PARD3B: variants seen among roughly 807,000 people sequenced by gnomAD.
The protein encoded by PARD3B is partitioning defective 3 homolog B.
In PARD3B, 103 loss-of-function variants were observed where a neutral mutation model predicts 130.2. That is an observed-to-expected ratio of 0.79 (90% CI 0.67 to 0.93). The LOEUF (loss-of-function observed/expected upper bound fraction) is 0.93, where lower values mean the gene tolerates loss of function less well. PARD3B is among the 40% of genes least tolerant of loss of function. The pLI, the probability that PARD3B is intolerant of heterozygous loss-of-function variation, is 0.00. For missense variants in PARD3B, 1,609 were observed against 1,499.2 expected (o/e 1.07, Z -1.21); for synonymous variants, 583 against 553.2 (o/e 1.05, Z -0.76).
intron 22 of PARD3B, among the ~76,000 whole-genome samples, chr2:205,561,015 A>G (rs2053113712): frequency 6.6e-6 from 1 of 152,194 alleles, no homozygotes; most frequent in Non-Finnish European, 1.5e-5. Flanking sequence ...TCGTCTACTT[A>G]TGCCCATCAG....
intron 20 of PARD3B, among the ~76,000 whole-genome samples, chr2:205,442,264 G>A (rs895109469): frequency 2.0e-5 from 3 of 150,924 alleles, no homozygotes; most frequent in Non-Finnish European, 2.9e-5. Flanking sequence ...AGGAATTCTA[G>A]GGTAAGCCAC....
intron 2 of PARD3B, among the ~76,000 whole-genome samples, chr2:204,780,024 C>T (rs2041779954): frequency 1.3e-5 from 2 of 152,120 alleles, no homozygotes; most frequent in Non-Finnish European, 2.9e-5. Flanking sequence ...TGTTATTTGG[C>T]AAGCAGAGAA....
At chr2:204,905,658 T>G (rs559230763) in intron 2 of PARD3B, among the ~76,000 whole-genome samples, 1 of 152,072 alleles carries the variant, frequency 6.6e-6, no homozygotes, top group East Asian at 1.9e-4. Flanking sequence ...CTGCTGTAGG[T>G]GAGGGACTGA....
At chr2:205,597,659 T>A (rs2054619572) in intron 22 of PARD3B, among the ~76,000 whole-genome samples, 1 of 152,222 alleles carries the variant, frequency 6.6e-6, no homozygotes, top group Admixed American at 6.5e-5. Flanking sequence ...AGTATTCCCC[T>A]TTCTCTGCAG....
intron 1 of PARD3B, among the ~76,000 whole-genome samples, chr2:204,548,665 A>C (rs1180528286): frequency 1.3e-5 from 2 of 152,240 alleles, no homozygotes; most frequent in African/African-American, 4.8e-5. Context: ...CATCAACCTA[A>C]AAATAGCAAT....
At chr2:205,511,070 A>G (rs190592909) in intron 21 of PARD3B, among the ~76,000 whole-genome samples, 1 of 152,296 alleles carries the variant, frequency 6.6e-6, no homozygotes, top group Admixed American at 6.5e-5. Flanking sequence ...AAGAAAGAAA[A>G]TGTGTGAATA....
At chr2:205,107,810 A>G (rs148779816) in intron 5 of PARD3B, among the ~76,000 whole-genome samples, 210 of 152,330 alleles carry the variant, frequency 1.4e-3, no homozygotes, top group African/African-American at 4.6e-3. Flanking sequence ...GCACCACTCA[A>G]CTTATTTTGA....
chr2:204,591,544 G>A (rs2033073959), intron 1 of PARD3B, among the ~76,000 whole-genome samples: 1 of 152,158 alleles, frequency 6.6e-6, no homozygotes, highest in Admixed American at 6.6e-5. Flanking sequence ...TGCATTGTGT[G>A]TTAAAACAGA....
chr2:205,063,405 A>T (rs988002549), intron 4 of PARD3B, among the ~76,000 whole-genome samples: 2 of 152,100 alleles, frequency 1.3e-5, no homozygotes, highest in East Asian at 1.9e-4. Flanking sequence ...TTGTTTGATA[A>T]ATTAATGAAC....
intron 1 of PARD3B, among the ~76,000 whole-genome samples, chr2:204,563,153 A>T (rs1043298731): frequency 6.7e-6 from 1 of 149,352 alleles, no homozygotes; most frequent in Non-Finnish European, 1.5e-5. Context: ...AGCCCAGGGC[A>T]TTTCTGAGCT....
chr2:205,012,183 T>C (rs1404677922), intron 3 of PARD3B, among the ~76,000 whole-genome samples: 2 of 152,172 alleles, frequency 1.3e-5, no homozygotes, highest in Non-Finnish European at 2.9e-5. Flanking sequence ...CTTCCCATCT[T>C]CCAACATTTT....
At chr2:205,282,968 G>A (rs1015475154) in intron 16 of PARD3B, among the ~76,000 whole-genome samples, 1 of 152,206 alleles carries the variant, frequency 6.6e-6, no homozygotes, top group African/African-American at 2.4e-5. Context: ...GGTTGATACA[G>A]CAAAATCCTG....
chr2:205,092,549 A>G (rs1243178072), intron 4 of PARD3B, among the ~76,000 whole-genome samples: 1 of 152,186 alleles, frequency 6.6e-6, no homozygotes, highest in Non-Finnish European at 1.5e-5. Context: ...GGCTAAGGAA[A>G]TGCCGAAAGA....
At chr2:205,136,290 A>G (rs1246897271) in intron 10 of PARD3B, among the ~76,000 whole-genome samples, 2 of 152,178 alleles carry the variant, frequency 1.3e-5, no homozygotes, top group Non-Finnish European at 2.9e-5. Context: ...TCTGGAACTA[A>G]GTAACACTCT....
At chr2:205,058,710 T>G (rs1181577772) in intron 4 of PARD3B, among the ~76,000 whole-genome samples, 2 of 152,006 alleles carry the variant, frequency 1.3e-5, no homozygotes. Flanking sequence ...GGCATCTTTT[T>G]AAGTACTTAT....
chr2:204,803,794 G>C (rs1460446173), intron 2 of PARD3B, among the ~76,000 whole-genome samples: 1 of 152,142 alleles, frequency 6.6e-6, no homozygotes, highest in African/African-American at 2.4e-5. Context: ...AAAGAAGGAA[G>C]GAGGAGACCA....
At chr2:204,682,478 G>A (rs1002438748) in intron 1 of PARD3B, among the ~76,000 whole-genome samples, 1 of 152,106 alleles carries the variant, frequency 6.6e-6, no homozygotes, top group African/African-American at 2.4e-5. Flanking sequence ...TTGTGGATAT[G>A]TGCCACCAAA....
At chr2:205,367,536 A>T (rs757904097) in intron 18 of PARD3B, among the ~76,000 whole-genome samples, 2 of 152,184 alleles carry the variant, frequency 1.3e-5, no homozygotes, top group Non-Finnish European at 2.9e-5. Flanking sequence ...TCTGTCTAAA[A>T]TGGTTTAGAA....
At chr2:205,066,820 C>A (rs1700409057) in intron 4 of PARD3B, among the ~76,000 whole-genome samples, 1 of 152,034 alleles carries the variant, frequency 6.6e-6, no homozygotes, top group African/African-American at 2.4e-5. Flanking sequence ...TTTAAATCAT[C>A]AAGTTATTTA....
Sources: allele counts gnomAD v4.1 joint callset (sites outside exome capture counted in the v4.1 genomes callset), GRCh38; gene constraint gnomAD v4.1.1; transcripts MANE v1.5; gene names NCBI Gene and HGNC (gene_info 2026-07-23, HGNC 2026-07-21).